The following CDH4 variants were observed in gnomAD, a reference collection of about 807,000 sequenced individuals.
CDH4 encodes cadherin-4.
A neutral mutation model predicts 86.0 loss-of-function variants in CDH4; 33 were observed. The ratio of observed to expected loss-of-function variants is 0.38; its 90% CI spans 0.29 to 0.51. The LOEUF is 0.51. Ranked by LOEUF, CDH4 falls within the 20% of genes least tolerant of loss-of-function variation. The probability of loss-of-function intolerance (pLI) is 0.86; values close to 1 mark genes in which losing one functional copy is unlikely to be tolerated. For synonymous variants in CDH4, 555 were observed against 549.4 expected, an observed-to-expected ratio of 1.01 and a Z score of -0.14; for missense variants, 1,114 against 1,307.4, an observed-to-expected ratio of 0.85 and a Z score of 2.28.
chr20:61,741,678 A>T (rs1396976592), intron 2 of CDH4, among the ~76,000 whole-genome samples: 1 of 151,856 alleles, frequency 6.6e-6, no homozygotes, highest in Non-Finnish European at 1.5e-5. Context: ...TTTTTAGTAG[A>T]GACGGGGTTT....
chr20:61,569,078 TC>T, intron 2 of CDH4, among the ~76,000 whole-genome samples: 1 of 152,192 alleles, frequency 6.6e-6, no homozygotes, highest in Non-Finnish European at 1.5e-5. Context: ...CTCTGGAGCC[TC>T]AGAGACCCTG....
chr20:61,320,651 C>G (rs1399246457), intron 2 of CDH4, among the ~76,000 whole-genome samples: 2 of 151,966 alleles, frequency 1.3e-5, no homozygotes, highest in Non-Finnish European at 2.9e-5. Flanking sequence ...GCCAAGTGCC[C>G]TACCCAGGGC....
intron 2 of CDH4, among the ~76,000 whole-genome samples, chr20:61,669,351 G>A (rs1466772443): frequency 6.6e-6 from 1 of 152,216 alleles, no homozygotes; most frequent in Admixed American, 6.5e-5. Context: ...CCACCATCTG[G>A]TGACCGGCGG....
intron 2 of CDH4, among the ~76,000 whole-genome samples, chr20:61,303,285 C>G (rs1048147964): frequency 6.6e-6 from 1 of 152,114 alleles, no homozygotes; most frequent in Non-Finnish European, 1.5e-5. Flanking sequence ...TCAAGGAGGG[C>G]GATATTAGCC....
chr20:61,650,084 C>T (rs534395545), intron 2 of CDH4, among the ~76,000 whole-genome samples: 60 of 152,352 alleles, frequency 3.9e-4, no homozygotes, highest in African/African-American at 1.4e-3. Flanking sequence ...TTACCTGCCT[C>T]TCCTTCTTGC....
intron 6 of CDH4, among the ~76,000 whole-genome samples, chr20:61,859,966 C>T (rs1983241154): frequency 6.6e-6 from 1 of 152,258 alleles, no homozygotes. Flanking sequence ...GTGACCACAG[C>T]ATGGCCCTGG....
chr20:61,924,402 C>T lies in CDH4; in HGVS notation c.1697C>T (p.Ala566Val), dbSNP rs1051676. 1.6e-5 allele frequency: 26 copies of T among 1,613,704 alleles called. No homozygotes were observed. Among genetic ancestry groups the T allele is most frequent in the African/African-American group, 1.5e-4 (11 of 74,910 alleles). Residue 566 changes from alanine to valine, a missense_variant, in exon 11 of 16, where the codon GCG becomes GTG. By Grantham distance (64) the Ala-to-Val change is moderately conservative. Coordinates refer to ENST00000614565, the MANE Select transcript of CDH4 (RefSeq NM_001794.5). ...GCCACCAACGGCCAGATCACCACGGCGGCAGTGCTGGACCGTGAGTCCCTC... is the reference window on the plus strand; with the variant it reads ...GCCACCAACGGCCAGATCACCACGGTGGCAGTGCTGGACCGTGAGTCCCTC... The part of the protein sequence containing the change: ...INATNGQITT[A>V]AVLDRESLYT...
intron 4 of CDH4, among the ~76,000 whole-genome samples, chr20:61,795,579 G>A (rs1049963135): frequency 1.3e-5 from 2 of 152,200 alleles, no homozygotes; most frequent in African/African-American, 2.4e-5. Context: ...GGCGTGAGCA[G>A]AAAACAGAAC....
chr20:61,837,135 G>A (rs13040696), intron 4 of CDH4, among the ~76,000 whole-genome samples: 62,882 of 152,112 alleles, frequency 0.41, 15,985 homozygotes, highest in Non-Finnish European at 0.58. Flanking sequence ...GAAGGCTGTC[G>A]TGAGTTGTGA....
chr20:61,342,714 G>T (rs549345289), intron 2 of CDH4, among the ~76,000 whole-genome samples: 8 of 143,030 alleles, frequency 5.6e-5, no homozygotes, highest in African/African-American at 1.6e-4. Context: ...TGGGAAGGAT[G>T]GGCTGCAGTA....
chr20:61,776,450 G>A (rs1241617193), intron 4 of CDH4, among the ~76,000 whole-genome samples: 2 of 152,182 alleles, frequency 1.3e-5, no homozygotes, highest in African/African-American at 4.8e-5. Context: ...CAGCATCTCC[G>A]ACCCAGGAAG....
intron 2 of CDH4, among the ~76,000 whole-genome samples, chr20:61,497,259 T>A (rs1472504044): frequency 6.6e-6 from 1 of 152,184 alleles, no homozygotes; most frequent in Non-Finnish European, 1.5e-5. Context: ...CTTGTATTTG[T>A]GTTTTTGTTT....
chr20:61,860,957 T>C (rs1478398271), intron 6 of CDH4, among the ~76,000 whole-genome samples: 2 of 152,194 alleles, frequency 1.3e-5, no homozygotes, highest in Non-Finnish European at 2.9e-5. Context: ...CAGATCAGCA[T>C]GCAGCCCCCC....
chr20:61,409,418 G>A (rs1362895161), intron 2 of CDH4, among the ~76,000 whole-genome samples: 1 of 152,204 alleles, frequency 6.6e-6, no homozygotes. Flanking sequence ...AACTCATCTG[G>A]ATCAAATGTT....
intron 2 of CDH4, among the ~76,000 whole-genome samples, chr20:61,383,091 A>ATATAGGAT (rs2084913984): frequency 1.0e-5 from 1 of 97,344 alleles, no homozygotes; most frequent in Non-Finnish European, 2.0e-5. Context: ...ATATATGAAT[A>ATATAGGAT]TATATATGAA....
intron 4 of CDH4, among the ~76,000 whole-genome samples, chr20:61,817,637 T>C (rs1980791833): frequency 1.3e-5 from 2 of 152,284 alleles, no homozygotes; most frequent in East Asian, 1.9e-4. Flanking sequence ...CACTGAACAG[T>C]GAGTGCCCCG....
chr20:61,491,655 C>T (rs773625967), intron 2 of CDH4, among the ~76,000 whole-genome samples: 2 of 152,156 alleles, frequency 1.3e-5, no homozygotes, highest in African/African-American at 2.4e-5. Context: ...CATATATTTC[C>T]TCTGTTTTCG....
chr20:61,666,610 C>T (rs1051184699), intron 2 of CDH4, among the ~76,000 whole-genome samples: 4 of 152,320 alleles, frequency 2.6e-5, no homozygotes, highest in East Asian at 3.9e-4. Flanking sequence ...AGGCCACATC[C>T]GCAGAACTGT....
intron 5 of CDH4, among the ~76,000 whole-genome samples, chr20:61,847,798 G>A (rs1320332322): frequency 6.6e-6 from 1 of 152,086 alleles, no homozygotes; most frequent in Non-Finnish European, 1.5e-5. Flanking sequence ...GAGAGAGAGA[G>A]AGGGACGGAG....
Sources: allele counts gnomAD v4.1 joint callset (sites outside exome capture counted in the v4.1 genomes callset), GRCh38; gene constraint gnomAD v4.1.1; transcripts MANE v1.5; gene names NCBI Gene and HGNC (gene_info 2026-07-23, HGNC 2026-07-21).